Variants in TAMM41 observed in about 807,000 individuals in gnomAD.
TAMM41 encodes the protein phosphatidate cytidylyltransferase, mitochondrial.
In TAMM41, 36 loss-of-function variants were observed where a neutral mutation model predicts 44.1. The ratio of observed to expected loss-of-function variants is 0.82; its 90% CI spans 0.63 to 1.08. The LOEUF (loss-of-function observed/expected upper bound fraction) is 1.08. Ranked by LOEUF, TAMM41 falls within the 50% of genes least tolerant of loss-of-function variation. The pLI, the probability that TAMM41 is intolerant of heterozygous loss-of-function variation, is 0.00. For synonymous variants in TAMM41, 164 were observed against 153.1 expected (o/e 1.07, Z -0.53); for missense variants, 417 against 404.3 (o/e 1.03, Z -0.27).
intron 4 of TAMM41, among the ~76,000 whole-genome samples, chr3:11,818,492 A>G (rs1290776742): frequency 6.6e-6 from 1 of 152,226 alleles, no homozygotes; most frequent in Non-Finnish European, 1.5e-5. Flanking sequence ...AGGAAGACCA[A>G]CAATATGTAC....
At position 11,838,603 on chromosome 3, in the gene TAMM41, A is replaced by G. The variant is rs548791711; in HGVS notation, c.411+619T>C. On this transcript the variant is annotated intron_variant, in intron 3 of 7. Coordinates refer to ENST00000455809, the MANE Select transcript of TAMM41 (RefSeq NM_001284401.2). The stretch of plus-strand genomic sequence containing the variant: ...AAATGGAAGAAATGCTTGGCAAGAT[A>G]TGGGGTAGCAGAAGGGTGTGGAGCG... 7.9e-5 allele frequency among the ~76,000 whole-genome samples: 12 copies of G among 152,326 alleles called. No individual in the cohort carries two copies. In the South Asian group the frequency reaches 2.5e-3, roughly 32 times the overall value.
chr3:11,774,741 T>C, the TAMM41 span, among the ~76,000 whole-genome samples: 1 of 152,184 alleles, frequency 6.6e-6, no homozygotes, highest in South Asian at 2.1e-4. Context: ...GATGGCCACT[T>C]CTCATTGCAA....
chr3:11,763,277 T>C, the TAMM41 span, among the ~76,000 whole-genome samples: 1 of 152,170 alleles, frequency 6.6e-6, no homozygotes, highest in East Asian at 1.9e-4. Context: ...TGGCTGGTAC[T>C]ACAGGCATGT....
At chr3:11,778,015 A>G in the TAMM41 span, among the ~76,000 whole-genome samples, 1 of 151,998 alleles carries the variant, frequency 6.6e-6, no homozygotes, top group Admixed American at 6.6e-5. Flanking sequence ...TGTAAGTGAC[A>G]TCGTATAGTA....
the TAMM41 span, among the ~76,000 whole-genome samples, chr3:11,770,179 TGG>T: frequency 6.6e-6 from 1 of 152,186 alleles, no homozygotes; most frequent in Non-Finnish European, 1.5e-5. Context: ...CTGGCCTCTG[TGG>T]GGCTGCACAG....
chr3:11,828,791 G>T (rs116722066), intron 4 of TAMM41, among the ~76,000 whole-genome samples: 102 of 152,260 alleles, frequency 6.7e-4, no homozygotes, highest in Non-Finnish European at 9.6e-4. Context: ...AAACCTCTAA[G>T]GTCTCTTACA....
rs1559275807 is a variant in TAMM41, at chr3:11,805,003, T to TGG, written c.937+2829_937+2830insCC. On this transcript the variant is annotated intron_variant, in intron 7 of 7. Transcript: ENST00000455809. ...GCACCACCACGCCCAGCCCTTTTTTTTTTTTTTTTTTTTTTTTTTTTGAGA... is the reference window on the plus strand; with the variant it reads ...GCACCACCACGCCCAGCCCTTTTTTTGGTTTTTTTTTTTTTTTTTTTTTGAGA... Among the ~76,000 whole-genome samples, 862 of 136,372 alleles carry TGG rather than the reference T, an allele frequency of 6.3e-3. 5 individuals carry two copies. The highest frequency in any genetic ancestry group is 0.023 in the African/African-American group (820 of 36,204). 89.5% of individuals were successfully genotyped at this position (136,372 alleles called of 152,430 possible).
At chr3:11,746,685 A>G in the TAMM41 span, among the ~76,000 whole-genome samples, 12 of 152,272 alleles carry the variant, frequency 7.9e-5, no homozygotes, top group Non-Finnish European at 1.6e-4. Context: ...GTCTCTCTCT[A>G]TTGCTCATGT....
chr3:11,723,580 C>CAAAAA, the TAMM41 span, among the ~76,000 whole-genome samples: 1 of 97,242 alleles, frequency 1.0e-5, no homozygotes, highest in Non-Finnish European at 2.2e-5. Flanking sequence ...GACCCTGTCT[C>CAAAAA]AAAAAAAAAA....
chr3:11,786,286 TTTATTA>T (rs60089566), downstream of TAMM41, among the ~76,000 whole-genome samples: 44 of 138,854 alleles, frequency 3.2e-4, no homozygotes, highest in Middle Eastern at 3.6e-3. Context: ...TTTATTTAAT[TTTATTA>T]TTATTATTAT....
the TAMM41 span, among the ~76,000 whole-genome samples, chr3:11,747,764 T>A: frequency 6.6e-6 from 1 of 151,606 alleles, no homozygotes; most frequent in Non-Finnish European, 1.5e-5. Flanking sequence ...AGACCCTGTC[T>A]CAAAAAAATT....
chr3:11,754,651 T>G, the TAMM41 span, among the ~76,000 whole-genome samples: 1 of 151,154 alleles, frequency 6.6e-6, no homozygotes, highest in African/African-American at 2.4e-5. Context: ...ATTACAAACA[T>G]GAGCCACTAC....
chr3:11,777,912 C>T, the TAMM41 span, among the ~76,000 whole-genome samples: 1 of 152,146 alleles, frequency 6.6e-6, no homozygotes, highest in East Asian at 1.9e-4. Context: ...AGCTTCACTC[C>T]TAAGCCCCCA....
chr3:11,797,902 A>G (rs1189152196), intron 7 of TAMM41, among the ~76,000 whole-genome samples: 1 of 152,190 alleles, frequency 6.6e-6, no homozygotes, highest in African/African-American at 2.4e-5. Flanking sequence ...AAAAAGCTCA[A>G]CATGACTGAC....
Position 11,829,731 on chromosome 3 carries a change from G to C in TAMM41, c.545C>G (p.Ala182Gly). 2 of 1,614,118 alleles carry C rather than the reference G, an allele frequency of 1.2e-6. No homozygotes were observed. The highest frequency in any genetic ancestry group is 1.7e-6 in the Non-Finnish European group (2 of 1,180,010). Reference sequence around the variant, plus strand: ...ATACTAACCTGAATAGGAGAGACCGGCAATCTCTATGAAGAGGTCTTCTTC... The same window carrying C: ...ATACTAACCTGAATAGGAGAGACCGCCAATCTCTATGAAGAGGTCTTCTTC... Reference protein sequence around the residue: ...FSEEDLFIEIAGLSYSGDFRM... With the variant: ...FSEEDLFIEIGGLSYSGDFRM... The change falls in exon 4 of 8, where the codon GCC (alanine) becomes GGC (glycine). Residue 182 changes from alanine to glycine, a missense_variant. Coordinates refer to ENST00000455809, the MANE Select transcript of TAMM41 (RefSeq NM_001284401.2).
At chr3:11,780,282 A>T in the TAMM41 span, among the ~76,000 whole-genome samples, 1 of 152,122 alleles carries the variant, frequency 6.6e-6, no homozygotes, top group Non-Finnish European at 1.5e-5. Flanking sequence ...CACTTTATTC[A>T]TCTTGAACTA....
At chr3:11,743,763 A>G in the TAMM41 span, among the ~76,000 whole-genome samples, 9 of 152,070 alleles carry the variant, frequency 5.9e-5, no homozygotes, top group African/African-American at 2.2e-4. Context: ...CAGTGCTCCC[A>G]CTATACAGCA....
chr3:11,781,160 A>G, the TAMM41 span, among the ~76,000 whole-genome samples: 1 of 152,138 alleles, frequency 6.6e-6, no homozygotes, highest in Non-Finnish European at 1.5e-5. Context: ...ATCCTCTTCT[A>G]TGTAACCCAC....
the TAMM41 span, among the ~76,000 whole-genome samples, chr3:11,771,892 A>G: frequency 2.6e-5 from 4 of 151,446 alleles, no homozygotes; most frequent in Non-Finnish European, 5.9e-5. Context: ...CTGTTTATTT[A>G]TTTTTAATTT....
Sources: gnomAD v4.1 joint callset for allele counts (sites outside exome capture counted in the v4.1 genomes callset) on GRCh38, gnomAD v4.1.1 for gene constraint, MANE v1.5 for transcripts, NCBI Gene and HGNC (gene_info 2026-07-23, HGNC 2026-07-21) for gene names.